The following SFSWAP variants were observed in gnomAD, a reference collection of about 807,000 sequenced individuals.
The protein encoded by SFSWAP is splicing factor, suppressor of white-apricot homolog.
A neutral mutation model predicts 100.7 loss-of-function variants in SFSWAP; 17 were observed. That is an observed-to-expected ratio of 0.17 (90% CI 0.12 to 0.25). SFSWAP has a LOEUF of 0.25. SFSWAP is among the 10% of genes least tolerant of loss of function. The pLI, the probability that SFSWAP is intolerant of heterozygous loss-of-function variation, is 1.00. For synonymous variants in SFSWAP, 504 were observed against 510.1 expected (o/e 0.99, Z 0.16); for missense variants, 1,005 against 1,262.6 (o/e 0.80, Z 3.09).
Position 131,714,418 on chromosome 12 carries a change from A to G in SFSWAP, c.388+178A>G, listed in dbSNP as rs1360331495. The G allele has an allele frequency of 1.8e-6, 1 of 569,746 alleles. No homozygotes were observed. The allele number at this position is 569,746 out of a possible 1,614,324, so 35.3% of individuals were successfully genotyped here. On this transcript the variant is annotated intron_variant, in intron 2 of 17. Coordinates refer to ENST00000261674, the MANE Select transcript of SFSWAP (RefSeq NM_004592.4). The surrounding 1 kb of genome is among the most constrained non-coding windows in gnomAD (Gnocchi z 6.0). ...GAGAGGACCTCAGGATAGTTTATAT[A>G]TAGAGCCACAAAGAATTTTCCCAGC...
intron 7 of SFSWAP, among the ~76,000 whole-genome samples, chr12:131,736,184 G>A (rs1482253254): frequency 6.6e-6 from 1 of 152,104 alleles, no homozygotes; most frequent in Non-Finnish European, 1.5e-5. Flanking sequence ...ATAAAAATAA[G>A]GACGGAGAAA....
At chr12:131,747,969 C>T (rs572802078) in intron 7 of SFSWAP, among the ~76,000 whole-genome samples, 2 of 152,202 alleles carry the variant, frequency 1.3e-5, no homozygotes, top group African/African-American at 4.8e-5. Context: ...GAAAAGAGAC[C>T]GAGAGGCATG....
intron 15 of SFSWAP, among the ~76,000 whole-genome samples, chr12:131,792,957 G>T (rs1039849808): frequency 2.6e-5 from 4 of 152,178 alleles, no homozygotes; most frequent in African/African-American, 9.7e-5. Context: ...AACCAAGGCA[G>T]TGTGGTGTCA....
At chr12:131,760,341 A>G (rs946255437) in intron 11 of SFSWAP, among the ~76,000 whole-genome samples, 1 of 152,232 alleles carries the variant, frequency 6.6e-6, no homozygotes, top group Admixed American at 6.5e-5. Flanking sequence ...ATACAAAAAG[A>G]CAGTCACTGA....
intron 15 of SFSWAP, among the ~76,000 whole-genome samples, chr12:131,788,958 G>T (rs1885074187): frequency 1.3e-5 from 2 of 151,952 alleles, no homozygotes; most frequent in Admixed American, 1.3e-4. Context: ...CCACTACCGA[G>T]ATTTGCTGCT....
intron 7 of SFSWAP, among the ~76,000 whole-genome samples, chr12:131,752,363 C>T (rs918380793): frequency 1.3e-5 from 2 of 152,184 alleles, no homozygotes; most frequent in African/African-American, 4.8e-5. Flanking sequence ...TTCTGTGATT[C>T]GTGGTTCTGA....
intron 15 of SFSWAP, 70 bp from the exon 16 acceptor site, chr12:131,797,108 C>T (rs1042283629): frequency 7.0e-7 from 1 of 1,438,486 alleles, no homozygotes; most frequent in East Asian, 2.3e-5. Context: ...TGGCTCAGAT[C>T]CGAGCTTCTC....
rs1047085596 is a variant in SFSWAP at position 131,734,079 on chromosome 12, G to A, written c.1081+5651G>A. ...CACCCTGTGGCACTGAGACCCAACA[G>A]CTCAGGTGACAGTGACACCTGCAGC... On this transcript the variant is annotated intron_variant, in intron 7 of 17. Coordinates refer to ENST00000261674, the MANE Select transcript of SFSWAP (RefSeq NM_004592.4). The surrounding 1 kb of genome is among the most constrained non-coding windows in gnomAD (Gnocchi z 4.9). Among the ~76,000 whole-genome samples, 1 of 152,242 alleles carries A rather than the reference G, an allele frequency of 6.6e-6. No homozygotes were observed. The highest frequency in any genetic ancestry group is 2.4e-5 in the African/African-American group (1 of 41,460).
At chr12:131,786,656 G>A in intron 15 of SFSWAP, 68 bp downstream of exon 15, 3 of 1,503,190 alleles carry the variant, frequency 2.0e-6, no homozygotes, top group Non-Finnish European at 2.7e-6. Context: ...AAGGGCGTCT[G>A]AAGGTCGGGT....
intron 11 of SFSWAP, among the ~76,000 whole-genome samples, chr12:131,761,591 A>G (rs1486940905): frequency 6.6e-6 from 1 of 152,218 alleles, no homozygotes; most frequent in African/African-American, 2.4e-5. Flanking sequence ...CCGATCACTC[A>G]GGGACGTGGC....
At chr12:131,776,051 G>A (rs933955917) in intron 13 of SFSWAP, among the ~76,000 whole-genome samples, 9 of 152,160 alleles carry the variant, frequency 5.9e-5, no homozygotes, top group African/African-American at 2.2e-4. Context: ...GCGGTGAGCT[G>A]AGATCACGCC....
chr12:131,751,783 G>A (rs1337100104), intron 7 of SFSWAP, among the ~76,000 whole-genome samples: 1 of 152,252 alleles, frequency 6.6e-6, no homozygotes, highest in East Asian at 1.9e-4. Context: ...CCTCAGAGAC[G>A]GTGCCTGCCC....
intron 6 of SFSWAP, 55 bp downstream of exon 6, chr12:131,727,107 T>C (rs1193846573): frequency 9.5e-7 from 1 of 1,049,882 alleles, no homozygotes; most frequent in Non-Finnish European, 1.5e-6. Flanking sequence ...CTTCTGCTAA[T>C]GTAATTTTGG....
At position 131,794,721 on chromosome 12, in the gene SFSWAP, C is replaced by T. The variant is rs564680810; in HGVS notation, c.2535-2457C>T. Among the ~76,000 whole-genome samples the T allele has an allele frequency of 3.3e-5, 5 of 152,288 alleles. No homozygotes were observed. In the East Asian group the frequency reaches 5.8e-4, roughly 18 times the overall value. The stretch of plus-strand genomic sequence containing the variant: ...CTTCTGGAATGAAGGGACGCCCCTG[C>T]GTGGATAAGGCCCAGGTGTCAGGGT... On this transcript the variant is annotated intron_variant, in intron 15 of 17. Coordinates refer to ENST00000261674, the MANE Select transcript of SFSWAP (RefSeq NM_004592.4). This position sits in a 1 kb window ranked among gnomAD's most constrained non-coding sequence, Gnocchi z 4.8.
intron 13 of SFSWAP, among the ~76,000 whole-genome samples, chr12:131,770,272 C>T (rs1042547953): frequency 6.6e-6 from 1 of 152,194 alleles, no homozygotes; most frequent in Non-Finnish European, 1.5e-5. Context: ...TGAGACAAGA[C>T]CACATTCGGC....
intron 14 of SFSWAP, chr12:131,785,423 A>G (rs1884822912): frequency 6.2e-6 from 3 of 484,150 alleles, no homozygotes; most frequent in East Asian, 6.5e-5. Context: ...AAATGATTCA[A>G]CGTAGAACTT....
At chr12:131,789,368 G>C (rs551204536) in intron 15 of SFSWAP, among the ~76,000 whole-genome samples, 1 of 152,176 alleles carries the variant, frequency 6.6e-6, no homozygotes, top group East Asian at 1.9e-4. Context: ...TTTTAAAATA[G>C]TACAATGGGG....
intron 4 of SFSWAP, among the ~76,000 whole-genome samples, chr12:131,719,852 G>T (rs1878301893): frequency 1.3e-5 from 2 of 152,188 alleles, no homozygotes. Context: ...CGAGTGGGCT[G>T]CTCCCCACAC....
chr12:131,739,082 T>A (rs1431368900), intron 7 of SFSWAP, among the ~76,000 whole-genome samples: 1 of 151,976 alleles, frequency 6.6e-6, no homozygotes, highest in East Asian at 1.9e-4. Context: ...CTTGCTATGT[T>A]GCCCAGGCTG....
Sources: allele counts gnomAD v4.1 joint callset (sites outside exome capture counted in the v4.1 genomes callset), GRCh38; gene constraint gnomAD v4.1.1; non-coding constraint Gnocchi (gnomAD v3.1); transcripts MANE v1.5; gene names NCBI Gene and HGNC (gene_info 2026-07-23, HGNC 2026-07-21).